ZFP2: variants seen among roughly 807,000 people sequenced by gnomAD.
The protein encoded by ZFP2 is zinc finger protein ZFP2.
A neutral mutation model predicts 36.1 loss-of-function variants in ZFP2; 33 were observed. That is an observed-to-expected ratio of 0.92 (90% CI 0.69 to 1.22). ZFP2 has a LOEUF of 1.22. Ranked by LOEUF, ZFP2 falls within the 50% of genes most tolerant of loss-of-function variation. The pLI is 0.00. For synonymous variants in ZFP2, 170 were observed against 178.0 expected, an observed-to-expected ratio of 0.96 and a Z score of 0.36; for missense variants, 522 against 551.4, an observed-to-expected ratio of 0.95 and a Z score of 0.53.
chr5:178,902,685 A>C (rs1758084303), intron 1 of ZFP2, among the ~76,000 whole-genome samples: 1 of 152,174 alleles, frequency 6.6e-6, no homozygotes, highest in Non-Finnish European at 1.5e-5. Context: ...ACTTAAAATA[A>C]ATCTTCTTCC....
At chr5:178,926,871 G>C (rs1024426915) in intron 4 of ZFP2, among the ~76,000 whole-genome samples, 4 of 152,116 alleles carry the variant, frequency 2.6e-5, no homozygotes, top group Admixed American at 2.0e-4. Context: ...GGGGTTACTT[G>C]GTTGTATGTG....
In ZFP2 at chr5:178,897,278, TGA is replaced by T. The variant is rs558439690; in HGVS notation, c.-450+1308_-450+1309del. Among the ~76,000 whole-genome samples the T allele has an allele frequency of 1.8e-3, 281 of 152,346 alleles. 6 individuals carry two copies. Among genetic ancestry groups the T allele is most frequent in the Middle Eastern group, 0.01 (3 of 294 alleles). ...GAATGTTAGTATTCTCTTGAACTTCTGAGAGGTGCAAAAGATAGGATTGTTTA... is the reference window on the plus strand; with the variant it reads ...GAATGTTAGTATTCTCTTGAACTTCTGAGGTGCAAAAGATAGGATTGTTTA... On this transcript the variant is annotated intron_variant, in intron 1 of 4. Transcript: ENST00000361362.
At chr5:178,917,592 GC>G (rs951275379) in intron 4 of ZFP2, among the ~76,000 whole-genome samples, 26 of 151,512 alleles carry the variant, frequency 1.7e-4, no homozygotes, top group Admixed American at 6.6e-5. Context: ...TCCAGCCTGG[GC>G]AACAGAGCAA....
chr5:178,904,260 A>G (rs1481184295), intron 1 of ZFP2, among the ~76,000 whole-genome samples: 4 of 152,156 alleles, frequency 2.6e-5, no homozygotes, highest in Non-Finnish European at 4.4e-5. Flanking sequence ...GCAGTGAGTA[A>G]GAGAGGCAAG....
intron 2 of ZFP2, 35 bp from the exon 3 acceptor site, chr5:178,912,947 C>T (rs1052543840): frequency 5.1e-6 from 5 of 982,090 alleles, no homozygotes; most frequent in Non-Finnish European, 6.0e-6. Flanking sequence ...AGGCTCAGTT[C>T]AGAACCCAAA....
chr5:178,911,730 A>G (rs948687412), intron 1 of ZFP2, among the ~76,000 whole-genome samples: 2 of 152,162 alleles, frequency 1.3e-5, no homozygotes, highest in Non-Finnish European at 2.9e-5. Context: ...CCTTATTTAC[A>G]TATCAAAATG....
rs1758608063 is a variant in ZFP2 at position 178,923,732 on chromosome 5, A to T, written c.-78+7022A>T. Among the ~76,000 whole-genome samples the T allele has an allele frequency of 2.0e-5, 3 of 147,738 alleles. 1 individual carries two copies. In the South Asian group the frequency reaches 6.3e-4, roughly 31 times the overall value. On this transcript the variant is annotated intron_variant, in intron 4 of 4. Transcript: ENST00000361362. ...GAAAATCTCTTCTGCCAGTTTTTTA[A>T]AAATTTGTAGGTAATCTTTTTTTTT... is the stretch of plus-strand genomic sequence containing the variant.
rs780240299 is a variant in ZFP2 at position 178,932,506 on chromosome 5, T to C, written c.1193T>C (p.Ile398Thr). 1.2e-6 allele frequency: 2 copies of C among 1,614,094 alleles called. No homozygotes were observed. The highest frequency in any genetic ancestry group is 1.1e-5 in the South Asian group (1 of 91,070). Reference sequence around the variant, plus strand: ...GCATTCAGCCAGAGTGCTTACCTTATTGAACATCAAAGAATTCATACTGGT... The same window carrying C: ...GCATTCAGCCAGAGTGCTTACCTTACTGAACATCAAAGAATTCATACTGGT... The part of the protein sequence containing the change: ...GKAFSQSAYL[I>T]EHQRIHTGEK... Residue 398 changes from isoleucine to threonine, a missense_variant, in exon 5 of 5, where the codon ATT becomes ACT. Ile to Thr is a moderately conservative substitution (Grantham distance 89, BLOSUM62 -1). Transcript: ENST00000361362.
In ZFP2 at chr5:178,916,636, G is replaced by GA. The variant is rs11409413; in HGVS notation, c.-149dup. 354,297 of 985,118 alleles carry GA rather than the reference G, an allele frequency of 0.36. 63,981 individuals carry two copies. Among genetic ancestry groups the GA allele is most frequent in the East Asian group, 0.49 (4,331 of 8,790 alleles). 61.0% of individuals were successfully genotyped at this position (985,118 alleles called of 1,614,324 possible). A position where few individuals can be genotyped will look rare whatever the true frequency, so the allele number is the denominator to read the frequency against. On this transcript the variant is annotated 5_prime_UTR_variant, in exon 4 of 5. It introduces an in-frame stop codon into an upstream open reading frame of the 5' UTR. Coordinates refer to ENST00000361362, the MANE Select transcript of ZFP2 (RefSeq NM_030613.4). Reference sequence around the variant, plus strand: ...CATTATCCTGTCCCAGTCAAGGGGAGAAAGTATTGACTGAGTGCTGTGCTC... The same window carrying GA: ...CATTATCCTGTCCCAGTCAAGGGGAGAAAAGTATTGACTGAGTGCTGTGCTC...
chr5:178,916,510 G>A, intron 3 of ZFP2, 55 bp from the exon 4 acceptor site: 1 of 980,760 alleles, frequency 1.0e-6, no homozygotes, highest in South Asian at 4.7e-5. Flanking sequence ...AAGTTGAATG[G>A]AAAGGAGCCC....
At chr5:178,927,420 A>G (rs1758698778) in intron 4 of ZFP2, among the ~76,000 whole-genome samples, 1 of 152,052 alleles carries the variant, frequency 6.6e-6, no homozygotes, top group African/African-American at 2.4e-5. Context: ...AGGGTAGTTT[A>G]CATACTGTGT....
rs1758272923 is a variant in ZFP2, at chr5:178,910,519, G to T, written c.-449-2065G>T. 5.2e-6 allele frequency: 3 copies of T among 581,364 alleles called. No homozygotes were observed. In the Admixed American group the frequency reaches 6.7e-5, roughly 13 times the overall value. 36.0% of individuals were successfully genotyped at this position (581,364 alleles called of 1,614,324 possible). A position where few individuals can be genotyped will look rare whatever the true frequency, so the allele number is the denominator to read the frequency against. On this transcript the variant is annotated intron_variant, in intron 1 of 4. Transcript: ENST00000361362. ...CACAGTGGCCTGCACCCTGCCTGCT[G>T]TGTGACTTCTTGCTGGGGTCATGGT...
chr5:178,924,415 A>T (rs1337720796), intron 4 of ZFP2, among the ~76,000 whole-genome samples: 1 of 147,828 alleles, frequency 6.8e-6, no homozygotes, highest in African/African-American at 2.4e-5. Flanking sequence ...CACACAGCTA[A>T]TAGTGGTGGA....
chr5:178,902,759 T>G (rs922444294), intron 1 of ZFP2, among the ~76,000 whole-genome samples: 1 of 151,772 alleles, frequency 6.6e-6, no homozygotes, highest in Non-Finnish European at 1.5e-5. Flanking sequence ...TCATTTCTTA[T>G]GTAGCTTTCC....
At chr5:178,900,128 A>G (rs1304048241) in intron 1 of ZFP2, among the ~76,000 whole-genome samples, 1 of 152,232 alleles carries the variant, frequency 6.6e-6, no homozygotes, top group Non-Finnish European at 1.5e-5. Context: ...TCAGTAACCT[A>G]CATTTTAATT....
intron 4 of ZFP2, among the ~76,000 whole-genome samples, chr5:178,919,087 G>A (rs1723172930): frequency 6.6e-6 from 1 of 152,182 alleles, no homozygotes; most frequent in African/African-American, 2.4e-5. Flanking sequence ...GTAATAGTAA[G>A]CACCTTTTCC....
chr5:178,928,214 A>G (rs936563211), intron 4 of ZFP2, among the ~76,000 whole-genome samples: 1 of 152,058 alleles, frequency 6.6e-6, no homozygotes, highest in Non-Finnish European at 1.5e-5. Context: ...ATCCAAATGA[A>G]ATCATATCAT....
chr5:178,900,888 C>T (rs569515531), intron 1 of ZFP2, among the ~76,000 whole-genome samples: 1 of 152,314 alleles, frequency 6.6e-6, no homozygotes, highest in Non-Finnish European at 1.5e-5. Context: ...ATTTCTGTCC[C>T]TACAGTATTG....
At chr5:178,919,951 G>A (rs1000878393) in intron 4 of ZFP2, among the ~76,000 whole-genome samples, 1 of 148,284 alleles carries the variant, frequency 6.7e-6, no homozygotes, top group Non-Finnish European at 1.5e-5. Flanking sequence ...GCGACAGAGT[G>A]GACTCTGTCT....
Sources: allele counts gnomAD v4.1 joint callset (sites outside exome capture counted in the v4.1 genomes callset), GRCh38; gene constraint gnomAD v4.1.1; transcripts MANE v1.5; gene names NCBI Gene and HGNC (gene_info 2026-07-23, HGNC 2026-07-21).